ARID4B: variants seen among roughly 807,000 people sequenced by gnomAD.
The protein encoded by ARID4B is AT-rich interaction domain 4B, also known as AT-rich interactive domain-containing protein 4B.
Under a neutral mutation model 147.5 loss-of-function variants are expected in ARID4B, and 26 were observed. The ratio of observed to expected loss-of-function variants is 0.18; its 90% CI spans 0.13 to 0.24. The LOEUF is 0.24. Ranked by LOEUF, ARID4B falls within the 10% of genes least tolerant of loss-of-function variation. ARID4B has a pLI of 1.00. For missense variants in ARID4B, 1,179 were observed against 1,511.5 expected, an observed-to-expected ratio of 0.78 and a Z score of 3.65; for synonymous variants, 512 against 507.9, an observed-to-expected ratio of 1.01 and a Z score of -0.11.
intron 2 of ARID4B, among the ~76,000 whole-genome samples, chr1:235,277,262 T>C (rs183192348): frequency 6.6e-5 from 10 of 151,650 alleles, no homozygotes; most frequent in Admixed American, 6.6e-4. Flanking sequence ...TTAAAAAAGA[T>C]TTTAGAGGCT....
Position 235,326,216 on chromosome 1 carries a change from C to T in ARID4B, c.6+698G>A, listed in dbSNP as rs1339610534. ...GTAACAAAAATACCTGTATTTTTAT[C>T]GTTATCATTTCTTCCAACAATTAAG... On this transcript the variant is annotated intron_variant, in intron 2 of 23. Coordinates refer to ENST00000264183, the MANE Select transcript of ARID4B (RefSeq NM_016374.6). Among the ~76,000 whole-genome samples, 3 of 151,870 alleles carry T rather than the reference C, an allele frequency of 2.0e-5. No homozygotes were observed. The East Asian group carries it at 5.8e-4, about 29-fold the overall frequency.
chr1:235,286,754 T>TA (rs1379999807), intron 2 of ARID4B, among the ~76,000 whole-genome samples: 1 of 152,220 alleles, frequency 6.6e-6, no homozygotes, highest in Non-Finnish European at 1.5e-5. Context: ...GAGCAAGAGT[T>TA]ACATTATCTG....
chr1:235,181,541 G>T, intron 20 of ARID4B, 44 bp downstream of exon 20: 1 of 1,576,244 alleles, frequency 6.3e-7, no homozygotes, highest in African/African-American at 1.3e-5. Context: ...AACTTTAAGA[G>T]GGGAAACCCT....
At chr1:235,200,626 A>C (rs887229511) in intron 17 of ARID4B, among the ~76,000 whole-genome samples, 3 of 149,894 alleles carry the variant, frequency 2.0e-5, no homozygotes, top group South Asian at 2.1e-4. Flanking sequence ...CTTACCAAAG[A>C]AGCACAGGCT....
chr1:235,208,299 C>T (rs951797245), intron 17 of ARID4B, among the ~76,000 whole-genome samples: 2 of 152,142 alleles, frequency 1.3e-5, no homozygotes, highest in Admixed American at 6.5e-5. Context: ...ATTTACGACA[C>T]GACTTAGAAA....
intron 2 of ARID4B, among the ~76,000 whole-genome samples, chr1:235,315,375 A>G (rs1197464198): frequency 6.6e-6 from 1 of 152,212 alleles, no homozygotes; most frequent in Non-Finnish European, 1.5e-5. Flanking sequence ...GGCTGCAGTG[A>G]GCTATGATTG....
chr1:235,251,942 G>C (rs1211629220), intron 6 of ARID4B, among the ~76,000 whole-genome samples: 1 of 152,122 alleles, frequency 6.6e-6, no homozygotes, highest in Non-Finnish European at 1.5e-5. Flanking sequence ...AGAAAGTGCT[G>C]GTTAGAAAAC....
chr1:235,305,439 C>T (rs1178574601), intron 2 of ARID4B, among the ~76,000 whole-genome samples: 1 of 152,088 alleles, frequency 6.6e-6, no homozygotes, highest in African/African-American at 2.4e-5. Context: ...GTTCTGTGTA[C>T]TAAGAAAACT....
At chr1:235,253,738 T>C (rs1669783659) in intron 5 of ARID4B, among the ~76,000 whole-genome samples, 1 of 152,200 alleles carries the variant, frequency 6.6e-6, no homozygotes, top group Non-Finnish European at 1.5e-5. Flanking sequence ...TATACATAAA[T>C]AATTTAGGGA....
At chr1:235,265,291 G>C (rs113511780) in intron 2 of ARID4B, among the ~76,000 whole-genome samples, 2 of 151,662 alleles carry the variant, frequency 1.3e-5, no homozygotes, top group African/African-American at 4.9e-5. Context: ...ACTTGAACCT[G>C]GGAGGTAGAG....
intron 23 of ARID4B, among the ~76,000 whole-genome samples, chr1:235,169,969 T>G (rs1008944210): frequency 6.6e-6 from 1 of 152,130 alleles, no homozygotes; most frequent in African/African-American, 2.4e-5. Flanking sequence ...GCCTCTCTGT[T>G]ATAAATTAGT....
At chr1:235,296,868 A>AAAGAG (rs1553314013) in intron 2 of ARID4B, among the ~76,000 whole-genome samples, 3 of 144,608 alleles carry the variant, frequency 2.1e-5, no homozygotes, top group South Asian at 2.2e-4. Context: ...GAAGGGAGAG[A>AAAGAG]GTACTTCCTG....
rs759683741 is a variant in ARID4B, at chr1:235,223,261, C to G, written c.971-1G>C. 1 of 1,532,420 alleles carries G rather than the reference C, an allele frequency of 6.5e-7. No homozygotes were observed. The highest frequency in any genetic ancestry group is 8.8e-7 in the Non-Finnish European group (1 of 1,135,874). 94.9% of individuals were successfully genotyped at this position (1,532,420 alleles called of 1,614,324 possible). On this transcript the variant is annotated splice_acceptor_variant, in intron 12 of 23. Transcript: ENST00000264183. LOFTEE classifies it high-confidence loss of function. ...ACAGGTCGTTTGTTAATAGGTGTAC[C>G]TGTTACAGAAAACACAAACTATATT...
intron 17 of ARID4B, among the ~76,000 whole-genome samples, chr1:235,198,897 C>T (rs1003549654): frequency 4.6e-5 from 7 of 152,100 alleles, no homozygotes; most frequent in Admixed American, 2.0e-4. Context: ...GTCAGGAGTT[C>T]GAGACCAGCC....
At chr1:235,208,754 T>C (rs1290509763) in intron 17 of ARID4B, among the ~76,000 whole-genome samples, 1 of 152,110 alleles carries the variant, frequency 6.6e-6, no homozygotes, top group East Asian at 1.9e-4. Context: ...CAACCTCAGG[T>C]GATCCGCCCA....
chr1:235,298,042 G>C (rs928412030), intron 2 of ARID4B, among the ~76,000 whole-genome samples: 1 of 152,152 alleles, frequency 6.6e-6, no homozygotes, highest in Non-Finnish European at 1.5e-5. Flanking sequence ...TTGTGACAAT[G>C]GTATGACAGT....
At position 235,320,654 on chromosome 1, in the gene ARID4B, A is replaced by C. The variant is rs117556703; in HGVS notation, c.6+6260T>G. On this transcript the variant is annotated intron_variant, in intron 2 of 23. Transcript: ENST00000264183. ...TTTACTCAAGTCCTTACCATGTCCT[A>C]TAAGGCCCTACAATTGTACTGGCCC... Among the ~76,000 whole-genome samples, 664 of 152,308 alleles carry C rather than the reference A, an allele frequency of 4.4e-3. 6 individuals carry two copies. Among genetic ancestry groups the C allele is most frequent in the East Asian group, 0.018 (92 of 5,186 alleles).
intron 8 of ARID4B, among the ~76,000 whole-genome samples, chr1:235,235,064 G>A (rs1572043002): frequency 6.6e-6 from 1 of 152,210 alleles, no homozygotes; most frequent in South Asian, 2.1e-4. Flanking sequence ...TGGATGTAAA[G>A]TGGTGGCAAT....
chr1:235,226,870 T>C (rs937685201), intron 11 of ARID4B, among the ~76,000 whole-genome samples: 1 of 152,134 alleles, frequency 6.6e-6, no homozygotes, highest in African/African-American at 2.4e-5. Flanking sequence ...GGTTTCACCA[T>C]GTTGGCCAGA....
Sources: allele counts gnomAD v4.1 joint callset (sites outside exome capture counted in the v4.1 genomes callset), GRCh38; gene constraint gnomAD v4.1.1; transcripts MANE v1.5; gene names NCBI Gene and HGNC (gene_info 2026-07-23, HGNC 2026-07-21).